Variants in SORBS2 observed in about 807,000 individuals in gnomAD.
SORBS2 encodes sorbin and SH3 domain-containing protein 2.
SORBS2 carries 46 observed loss-of-function variants against 97.7 expected under a neutral mutation model. The ratio of observed to expected loss-of-function variants is 0.47; its 90% CI spans 0.37 to 0.60. The LOEUF is 0.60. Ranked by LOEUF, SORBS2 falls within the 20% of genes least tolerant of loss-of-function variation. SORBS2 has a pLI of 0.00. For synonymous variants in SORBS2, 476 were observed against 473.4 expected (o/e 1.01, Z -0.07); for missense variants, 1,316 against 1,282.3 (o/e 1.03, Z -0.40).
chr4:185,622,831 T>A, intron 7 of SORBS2, 83 bp downstream of exon 19: 1 of 1,372,188 alleles, frequency 7.3e-7, no homozygotes, highest in Non-Finnish European at 9.9e-7. Flanking sequence ...AGCTCGGGAG[T>A]GATGAGATGT....
chr4:185,782,328 A>G (rs898123368), intron 1 of SORBS2, among the ~76,000 whole-genome samples: 1 of 152,258 alleles, frequency 6.6e-6, no homozygotes, highest in African/African-American at 2.4e-5. Flanking sequence ...TCCCTTCAGG[A>G]TATAATATGT....
chr4:185,842,417 T>G (rs2099212096), intron 1 of SORBS2, among the ~76,000 whole-genome samples: 1 of 152,210 alleles, frequency 6.6e-6, no homozygotes, highest in Non-Finnish European at 1.5e-5. Flanking sequence ...AGTCAGAGCA[T>G]GCAGGCCTTC....
chr4:185,778,658 C>T (rs2099012263), intron 1 of SORBS2, among the ~76,000 whole-genome samples: 3 of 152,138 alleles, frequency 2.0e-5, no homozygotes, highest in African/African-American at 7.2e-5. Context: ...GGATGTGACT[C>T]GAGCATCTGC....
intron 1 of SORBS2, among the ~76,000 whole-genome samples, chr4:185,795,835 A>G (rs917347511): frequency 1.3e-5 from 2 of 152,238 alleles, no homozygotes; most frequent in Non-Finnish European, 2.9e-5. Flanking sequence ...AACCAGTTTC[A>G]CTATCTTCTT....
In SORBS2 at chr4:185,914,263, TCTC is replaced by T. The variant is rs755164315; in HGVS notation, c.-338+41930_-338+41932del. On this transcript the variant is annotated intron_variant, in intron 1 of 20. Coordinates refer to the SORBS2 transcript ENST00000284776. ...GAAAGTTAGAAATAAGTATATTTTCTCTCCTTTCAAGTTCTGAAACAAAAACCC... is the reference window on the plus strand; with the variant it reads ...GAAAGTTAGAAATAAGTATATTTTCTCTTTCAAGTTCTGAAACAAAAACCC... 8.5e-4 allele frequency among the ~76,000 whole-genome samples: 129 copies of T among 152,356 alleles called. 1 individual carries two copies. Among genetic ancestry groups the T allele is most frequent in the Non-Finnish European group, 9.0e-4 (61 of 68,032 alleles).
intron 1 of SORBS2, among the ~76,000 whole-genome samples, chr4:185,921,786 G>A (rs1018663458): frequency 2.0e-5 from 3 of 152,150 alleles, no homozygotes; most frequent in South Asian, 2.1e-4. Context: ...CAAGCCTTCC[G>A]GGATTTCAAA....
upstream of SORBS2, chr4:185,657,574 C>G (rs759845876): frequency 1.4e-5 from 22 of 1,588,964 alleles, no homozygotes; most frequent in Non-Finnish European, 1.8e-5. Flanking sequence ...ACTGCGCATG[C>G]TGGGGATATG....
intron 2 of SORBS2, among the ~76,000 whole-genome samples, chr4:185,704,603 G>A (rs2098314161): frequency 6.6e-6 from 1 of 152,096 alleles, no homozygotes; most frequent in South Asian, 2.1e-4. Context: ...ACAGGCGTGA[G>A]CCACCGCACC....
At chr4:185,661,953 C>A (rs1015615410), upstream of SORBS2, 3 of 763,840 alleles carry the variant, frequency 3.9e-6, no homozygotes, top group Non-Finnish European at 4.2e-6. Flanking sequence ...CATTTCCTCC[C>A]ATGTTGGGTC....
At chr4:185,741,804 C>A (rs533956480) in intron 2 of SORBS2, among the ~76,000 whole-genome samples, 3 of 152,316 alleles carry the variant, frequency 2.0e-5, no homozygotes, top group African/African-American at 7.2e-5. Flanking sequence ...ACATACCCAG[C>A]CAGAAATCAT....
At chr4:185,694,723 T>TTTTTTTTC (rs1489055314) in intron 2 of SORBS2, among the ~76,000 whole-genome samples, 5 of 147,470 alleles carry the variant, frequency 3.4e-5, no homozygotes, top group Non-Finnish European at 4.5e-5. Context: ...TTTCTTTTTT[T>TTTTTTTTC]TGAGACGGAG....
chr4:185,751,190 A>AAAAAAAAAG, intron 2 of SORBS2, among the ~76,000 whole-genome samples: 79 of 86,270 alleles, frequency 9.2e-4, no homozygotes, highest in African/African-American at 2.1e-3. Flanking sequence ...AAAAAAAAAA[A>AAAAAAAAAG]AGAGAAAGAG....
intron 7 of SORBS2, among the ~76,000 whole-genome samples, chr4:185,622,362 T>C (rs1159063889): frequency 6.6e-6 from 1 of 152,236 alleles, no homozygotes; most frequent in African/African-American, 2.4e-5. Flanking sequence ...AAAAATTTTA[T>C]CACCATTGTG....
chr4:185,787,031 C>T (rs187059404), intron 1 of SORBS2, among the ~76,000 whole-genome samples: 1 of 141,036 alleles, frequency 7.1e-6, no homozygotes, highest in Admixed American at 7.4e-5. Context: ...TGGGAGGTTT[C>T]TGAGAGGATT....
intron 2 of SORBS2, 153 bp downstream of exon 2, chr4:185,775,074 C>T (rs975192852): frequency 6.6e-6 from 1 of 152,148 alleles, no homozygotes; most frequent in African/African-American, 2.4e-5. Context: ...ACAAAAATGC[C>T]CAGATGCTCC....
intron 1 of SORBS2, among the ~76,000 whole-genome samples, chr4:185,831,501 G>A (rs1391997413): frequency 6.6e-6 from 1 of 152,204 alleles, no homozygotes; most frequent in Non-Finnish European, 1.5e-5. Flanking sequence ...TTAGGAACAA[G>A]GAAGATGTTA....
exon 7 of SORBS2, chr4:185,624,305 G>A: frequency 3.7e-6 from 6 of 1,614,108 alleles, no homozygotes; most frequent in East Asian, 2.2e-5. Flanking sequence ...GGTTTCTTCC[G>A]TGCTGCTCCA....
At chr4:185,944,656 A>G (rs1045490833) in intron 1 of SORBS2, among the ~76,000 whole-genome samples, 2 of 152,202 alleles carry the variant, frequency 1.3e-5, no homozygotes, top group Non-Finnish European at 2.9e-5. Context: ...GAGTTCAGGA[A>G]CATACATATA....
At chr4:185,647,925 T>C (rs530849845) in intron 3 of SORBS2, among the ~76,000 whole-genome samples, 1 of 152,304 alleles carries the variant, frequency 6.6e-6, no homozygotes, top group South Asian at 2.1e-4. Flanking sequence ...TACCTTTAAA[T>C]CAAAACGTTA....
Sources: allele counts gnomAD v4.1 joint callset (sites outside exome capture counted in the v4.1 genomes callset), GRCh38; gene constraint gnomAD v4.1.1; transcripts MANE v1.5; gene names NCBI Gene and HGNC (gene_info 2026-07-23, HGNC 2026-07-21).